Variants in PLA2G5 observed in about 807,000 individuals in gnomAD.
PLA2G5 encodes the protein Ca2+-dependent phospholipase A2.
A neutral mutation model predicts 15.9 loss-of-function variants in PLA2G5; 12 were observed. The ratio of observed to expected loss-of-function variants is 0.76; its 90% CI spans 0.48 to 1.23. The LOEUF (loss-of-function observed/expected upper bound fraction) is 1.23, where lower values mean the gene tolerates loss of function less well. PLA2G5 is among the 50% of genes most tolerant of loss of function. PLA2G5 has a pLI of 0.00. For missense variants in PLA2G5, 169 were observed against 177.1 expected (o/e 0.95, Z 0.26); for synonymous variants, 71 against 71.4 (o/e 0.99, Z 0.03).
chr1:20,078,693 G>A (rs1027549498), intron 1 of PLA2G5, among the ~76,000 whole-genome samples: 1 of 152,126 alleles, frequency 6.6e-6, no homozygotes, highest in Non-Finnish European at 1.5e-5. Context: ...GAGCCCAGTG[G>A]TTAGTCCTAG....
chr1:20,090,618 G>T lies in PLA2G5; in HGVS notation c.343G>T (p.Val115Phe), dbSNP rs183088076. 2.5e-6 allele frequency: 4 copies of T among 1,613,858 alleles called. No individual in the cohort carries two copies. The African/African-American group carries it at 4.0e-5, about 16-fold the overall frequency. Reference sequence around the variant, plus strand: ...CCTCTGTGCCTGTGACCGGAAGCTCGTCTACTGCCTCAAGAGAAACCTACG... The same window carrying T: ...CCTCTGTGCCTGTGACCGGAAGCTCTTCTACTGCCTCAAGAGAAACCTACG... ...VNLCACDRKL[V>F]YCLKRNLRSY... Residue 115 changes from valine (V) to phenylalanine (F), a missense_variant, in exon 5 of 5, where the codon GTC becomes TTC. Transcript: ENST00000375108.
intron 2 of PLA2G5, among the ~76,000 whole-genome samples, chr1:20,060,508 C>T (rs1482108913): frequency 1.3e-5 from 2 of 151,954 alleles, no homozygotes; most frequent in African/African-American, 2.4e-5. Flanking sequence ...CTACCTCGGC[C>T]TCTCAAAGTG....
chr1:20,080,198 G>C (rs1344830230), intron 1 of PLA2G5, among the ~76,000 whole-genome samples: 1 of 152,220 alleles, frequency 6.6e-6, no homozygotes, highest in Admixed American at 6.5e-5. Context: ...GGGATTCCAG[G>C]GTTCCTGTTC....
intron 2 of PLA2G5, among the ~76,000 whole-genome samples, chr1:20,060,886 T>A (rs1284037568): frequency 6.6e-6 from 1 of 151,872 alleles, no homozygotes; most frequent in Non-Finnish European, 1.5e-5. Context: ...CCCAGCTAAT[T>A]TTGTATTTTT....
chr1:20,053,382 T>G (rs1185449779), intron 1 of PLA2G5, among the ~76,000 whole-genome samples: 1 of 152,180 alleles, frequency 6.6e-6, no homozygotes, highest in East Asian at 1.9e-4. Flanking sequence ...TCTTTTTATC[T>G]TTAGCCTTAT....
intron 2 of PLA2G5, among the ~76,000 whole-genome samples, chr1:20,060,107 A>T (rs1254138395): frequency 1.3e-5 from 2 of 152,194 alleles, no homozygotes; most frequent in Non-Finnish European, 1.5e-5. Flanking sequence ...GTTGGAGGTC[A>T]GCAGGGGCCA....
chr1:20,069,051 A>G (rs2015202804), upstream of PLA2G5: 1 of 626,060 alleles, frequency 1.6e-6, no homozygotes, highest in Non-Finnish European at 2.6e-6. Context: ...AAAAATGCTC[A>G]GTTGCACCAA....
chr1:20,081,187 T>C (rs1018672621), intron 1 of PLA2G5, among the ~76,000 whole-genome samples: 25 of 151,842 alleles, frequency 1.6e-4, no homozygotes, highest in African/African-American at 5.6e-4. Context: ...CTCGCGGCTA[T>C]GCGCTTCCTC....
intron 3 of PLA2G5, 145 bp from the exon 4 acceptor site, chr1:20,089,644 A>G (rs867715603): frequency 3.2e-6 from 2 of 633,668 alleles, no homozygotes; most frequent in Middle Eastern, 5.4e-4. Context: ...GAAATTACTC[A>G]GTCACACTAC....
chr1:20,084,166 G>T (rs2016172547), intron 1 of PLA2G5, among the ~76,000 whole-genome samples: 1 of 149,340 alleles, frequency 6.7e-6, no homozygotes, highest in Non-Finnish European at 1.5e-5. Flanking sequence ...GGCCCTGAAA[G>T]CCACTGGCAC....
At chr1:20,089,409 CTCCA>C (rs2016453371) in intron 3 of PLA2G5, among the ~76,000 whole-genome samples, 1 of 152,206 alleles carries the variant, frequency 6.6e-6, no homozygotes, top group Admixed American at 6.5e-5. Flanking sequence ...GCTGGGTCAT[CTCCA>C]TCCAGCCGAA....
chr1:20,068,037 T>C (rs1317671041), upstream of PLA2G5, among the ~76,000 whole-genome samples: 1 of 151,934 alleles, frequency 6.6e-6, no homozygotes, highest in Non-Finnish European at 1.5e-5. Flanking sequence ...CAGAATCGCT[T>C]GAACCTGGGA....
At chr1:20,046,067 A>G (rs2013884726) in intron 1 of PLA2G5, 1 of 152,186 alleles carries the variant, frequency 6.6e-6, no homozygotes, top group South Asian at 2.1e-4. Flanking sequence ...CACTCCCAGC[A>G]GGCAGGATGA....
upstream of PLA2G5, chr1:20,069,093 C>T (rs1207517854): frequency 2.3e-5 from 11 of 471,400 alleles, no homozygotes; most frequent in South Asian, 3.1e-5. Flanking sequence ...AACAATGATA[C>T]GCAATTTTAT....
At chr1:20,041,423 A>G (rs1218433129) in intron 1 of PLA2G5, among the ~76,000 whole-genome samples, 1 of 152,188 alleles carries the variant, frequency 6.6e-6, no homozygotes, top group Non-Finnish European at 1.5e-5. Context: ...GGATTTGGAT[A>G]GGTAGTGGAA....
intron 1 of PLA2G5, among the ~76,000 whole-genome samples, chr1:20,053,326 T>C (rs2014267645): frequency 6.6e-6 from 1 of 152,202 alleles, no homozygotes; most frequent in African/African-American, 2.4e-5. Context: ...TCCATACCTC[T>C]GTGAGAAACA....
At chr1:20,063,988 C>T (rs1454424631) in intron 2 of PLA2G5, among the ~76,000 whole-genome samples, 2 of 152,160 alleles carry the variant, frequency 1.3e-5, no homozygotes, top group East Asian at 1.9e-4. Context: ...TGACCTTGAT[C>T]GCCTCTAGAA....
intron 1 of PLA2G5, among the ~76,000 whole-genome samples, chr1:20,034,126 G>T (rs1290661322): frequency 2.0e-5 from 3 of 152,128 alleles, no homozygotes; most frequent in Admixed American, 6.5e-5. Flanking sequence ...AAAGCTGAGT[G>T]GTGTGTTGGA....
intron 1 of PLA2G5, among the ~76,000 whole-genome samples, chr1:20,083,535 G>A (rs549380317): frequency 3.9e-5 from 6 of 151,984 alleles, no homozygotes; most frequent in East Asian, 3.9e-4. Context: ...GGCAGCTGCC[G>A]GCAAGGAACC....
Sources: allele counts gnomAD v4.1 joint callset (sites outside exome capture counted in the v4.1 genomes callset), GRCh38; gene constraint gnomAD v4.1.1; transcripts MANE v1.5; gene names NCBI Gene and HGNC (gene_info 2026-07-23, HGNC 2026-07-21).